CNGA3: variants seen among roughly 807,000 people sequenced by gnomAD.
CNGA3 encodes the protein cyclic nucleotide-gated channel alpha-3.
In CNGA3, 42 loss-of-function variants were observed where a neutral mutation model predicts 46.6. The observed-to-expected ratio is 0.90, with a 90% CI of 0.70 to 1.17. CNGA3 has a LOEUF of 1.17. Ranked by LOEUF, CNGA3 falls within the 50% of genes most tolerant of loss-of-function variation. The probability of loss-of-function intolerance (pLI) is 0.00; values close to 1 mark genes in which losing one functional copy is unlikely to be tolerated. For synonymous variants in CNGA3, 394 were observed against 369.4 expected (o/e 1.07, Z -0.76); for missense variants, 893 against 890.7 (o/e 1.00, Z -0.03).
At chr2:98,393,053 G>A (rs1324055924) in intron 7 of CNGA3, among the ~76,000 whole-genome samples, 1 of 152,108 alleles carries the variant, frequency 6.6e-6, no homozygotes, top group East Asian at 1.9e-4. Flanking sequence ...GGTCATTTGA[G>A]GCAGGAGTTC....
At chr2:98,350,802 C>A (rs1317448276) in intron 1 of CNGA3, 1 of 152,184 alleles carries the variant, frequency 6.6e-6, no homozygotes, top group East Asian at 1.9e-4. Context: ...TGAAACTTTG[C>A]AGCTGACATT....
At chr2:98,351,421 G>A (rs1691766884) in intron 1 of CNGA3, among the ~76,000 whole-genome samples, 1 of 152,152 alleles carries the variant, frequency 6.6e-6, no homozygotes, top group Admixed American at 6.5e-5. Flanking sequence ...GCTTTATAAG[G>A]GGGAGCGTCC....
intron 3 of CNGA3, among the ~76,000 whole-genome samples, chr2:98,379,666 C>T (rs1019891448): frequency 2.6e-5 from 4 of 152,228 alleles, no homozygotes; most frequent in African/African-American, 9.6e-5. Context: ...TGGGAAAAGA[C>T]TCCAGGTTGT....
At chr2:98,349,689 T>C (rs1364954042) in intron 1 of CNGA3, among the ~76,000 whole-genome samples, 2 of 152,190 alleles carry the variant, frequency 1.3e-5, no homozygotes, top group African/African-American at 2.4e-5. Context: ...TCTGTTCTGA[T>C]TCCACACTTA....
At chr2:98,351,270 G>T (rs1574355766) in intron 1 of CNGA3, 1 of 152,222 alleles carries the variant, frequency 6.6e-6, no homozygotes, top group Admixed American at 6.5e-5. Flanking sequence ...GGATGATATG[G>T]TTTCGCTCTG....
At chr2:98,349,712 G>A (rs1691733280) in intron 1 of CNGA3, among the ~76,000 whole-genome samples, 2 of 152,166 alleles carry the variant, frequency 1.3e-5, no homozygotes, top group South Asian at 4.2e-4. Flanking sequence ...CACCTGTCTA[G>A]TCTATACACT....
chr2:98,380,379 G>C, intron 4 of CNGA3, 25 bp downstream of exon 4: 1 of 1,605,138 alleles, frequency 6.2e-7, no homozygotes, highest in Non-Finnish European at 8.5e-7. Flanking sequence ...AGAAGAAGGG[G>C]CCTCTGGTGC....
At chr2:98,391,194 G>A (rs1173097249) in intron 6 of CNGA3, among the ~76,000 whole-genome samples, 1 of 152,366 alleles carries the variant, frequency 6.6e-6, no homozygotes, top group Non-Finnish European at 1.5e-5. Flanking sequence ...GGATTGCGGG[G>A]CAGGTGAAAA....
chr2:98,375,789 C>G (rs1692390012), intron 2 of CNGA3, among the ~76,000 whole-genome samples: 1 of 152,104 alleles, frequency 6.6e-6, no homozygotes, highest in Non-Finnish European at 1.5e-5. Flanking sequence ...AAATACAGGG[C>G]AGCTTCATGG....
At chr2:98,386,800 C>T (rs1426560586) in intron 5 of CNGA3, among the ~76,000 whole-genome samples, 1 of 152,128 alleles carries the variant, frequency 6.6e-6, no homozygotes, top group East Asian at 1.9e-4. Flanking sequence ...GGGACCTGAG[C>T]TAAGGAAGCC....
intron 1 of CNGA3, among the ~76,000 whole-genome samples, chr2:98,348,951 A>C (rs1691709598): frequency 6.6e-6 from 1 of 152,170 alleles, no homozygotes; most frequent in African/African-American, 2.4e-5. Context: ...CCTCCCCAGC[A>C]AGGTTATGTT....
intron 5 of CNGA3, 68 bp from the exon 6 acceptor site, chr2:98,389,590 T>G: frequency 1.4e-6 from 2 of 1,420,612 alleles, no homozygotes. Context: ...TGCCCTAGGC[T>G]CTCTAAAACC....
intron 2 of CNGA3, among the ~76,000 whole-genome samples, chr2:98,371,868 G>A (rs948719189): frequency 6.6e-6 from 1 of 152,342 alleles, no homozygotes; most frequent in East Asian, 1.9e-4. Flanking sequence ...GCCCAAGAAT[G>A]AGGCACAGCA....
rs76494849 is a variant in CNGA3 at position 98,379,481 on chromosome 2, G to A, written c.216-694G>A. Among the ~76,000 whole-genome samples the A allele has an allele frequency of 2.0e-3, 299 of 152,202 alleles. 1 individual carries two copies. Among genetic ancestry groups the A allele is most frequent in the African/African-American group, 6.2e-3 (258 of 41,534 alleles). ...TGGAGGGAAGGCCCCTCTCAGGCCC[G>A]TGTGTCTCAGATGAGCTCTAGGGAC... On this transcript the variant is annotated intron_variant, in intron 3 of 7. Transcript: ENST00000272602.
chr2:98,363,005 G>A (rs1692067723), intron 1 of CNGA3, among the ~76,000 whole-genome samples: 1 of 152,048 alleles, frequency 6.6e-6, no homozygotes, highest in Non-Finnish European at 1.5e-5. Context: ...TGTTCCATTG[G>A]TCTATATCCC....
intron 5 of CNGA3, among the ~76,000 whole-genome samples, chr2:98,386,017 G>C (rs1692646052): frequency 6.6e-6 from 1 of 152,166 alleles, no homozygotes; most frequent in South Asian, 2.1e-4. Context: ...ACTTCTCTGT[G>C]TATCTGTTTC....
intron 5 of CNGA3, among the ~76,000 whole-genome samples, chr2:98,385,514 CAT>C (rs769700536): frequency 1.3e-5 from 2 of 152,164 alleles, no homozygotes; most frequent in African/African-American, 2.4e-5. Context: ...CCCCACTTAA[CAT>C]GTTGACAAAT....
chr2:98,349,854 A>C (rs1691735755), intron 1 of CNGA3, among the ~76,000 whole-genome samples: 1 of 152,182 alleles, frequency 6.6e-6, no homozygotes, highest in Non-Finnish European at 1.5e-5. Flanking sequence ...GGGAGGAGTG[A>C]AAGCTCACAC....
chr2:98,378,290 G>T, intron 3 of CNGA3: 1 of 1,434,290 alleles, frequency 7.0e-7, no homozygotes, highest in South Asian at 1.4e-5. Context: ...TCCCCCTGAT[G>T]ACATCCGTAC....
Sources: gnomAD v4.1 joint callset for allele counts (sites outside exome capture counted in the v4.1 genomes callset) on GRCh38, gnomAD v4.1.1 for gene constraint, MANE v1.5 for transcripts, NCBI Gene and HGNC (gene_info 2026-07-23, HGNC 2026-07-21) for gene names.